Variants in GALP observed in about 807,000 individuals in gnomAD.
GALP encodes galanin like peptide.
Under a neutral mutation model 15.2 loss-of-function variants are expected in GALP, and 12 were observed. The observed-to-expected ratio is 0.79, with a 90% CI of 0.51 to 1.28. The LOEUF (loss-of-function observed/expected upper bound fraction) is 1.28, where lower values mean the gene tolerates loss of function less well. Among genes scored for constraint, GALP ranks in the 50% most tolerant of loss-of-function variants. The probability of loss-of-function intolerance (pLI) is 0.00; values close to 1 mark genes in which losing one functional copy is unlikely to be tolerated. For synonymous variants in GALP, 58 were observed against 55.1 expected (o/e 1.05, Z -0.23); for missense variants, 161 against 145.6 (o/e 1.11, Z -0.55).
chr19:56,178,165 C>CAA (rs71184328), intron 2 of GALP, among the ~76,000 whole-genome samples: 3 of 135,702 alleles, frequency 2.2e-5, no homozygotes, highest in African/African-American at 2.6e-5. Flanking sequence ...TTTTTTCTAA[C>CAA]AAAAAAAAAA....
intron 2 of GALP, among the ~76,000 whole-genome samples, chr19:56,178,539 AAAAG>A (rs1161186198): frequency 4.0e-5 from 6 of 150,608 alleles, no homozygotes; most frequent in Non-Finnish European, 8.9e-5. Context: ...AAAAAAAAAA[AAAAG>A]AGACGCCGGC....
In GALP at chr19:56,177,124, G is replaced by A. The variant is rs368200734; in HGVS notation, c.16G>A (p.Val6Ile). The A allele has an allele frequency of 2.5e-5, 40 of 1,613,016 alleles. No homozygotes were observed. The highest frequency in any genetic ancestry group is 3.3e-5 in the Admixed American group (2 of 59,888). ...CCTGCCTTCGATGGCTCCTCCCTCC[G>A]TCCCCCTGGTCCTCCTCCTCGTCCT... MAPPS[V>I]PLVLLLVLLL... The change falls in exon 2 of 6, where the codon GTC (valine) becomes ATC (isoleucine). Residue 6 changes from valine (V) to isoleucine (I), a missense_variant. Val to Ile is a conservative substitution (Grantham distance 29). Coordinates refer to ENST00000357330, the MANE Select transcript of GALP (RefSeq NM_033106.4).
At chr19:56,177,241 C>T (rs763910662) in intron 2 of GALP, 46 bp downstream of exon 2, 1 of 1,489,570 alleles carries the variant, frequency 6.7e-7, no homozygotes, top group South Asian at 1.1e-5. Flanking sequence ...TCCCCAAATC[C>T]CTGCCCTCTG....
chr19:56,176,540 G>A (rs1377949041), intron 1 of GALP, among the ~76,000 whole-genome samples: 2 of 126,396 alleles, frequency 1.6e-5, no homozygotes, highest in Non-Finnish European at 3.3e-5. Context: ...GAGGGCAGAG[G>A]GGCGGATGCC....
chr19:56,180,911 CTTTCTTTTTTTTTTTT>C (rs1217529981), intron 3 of GALP, among the ~76,000 whole-genome samples: 1 of 90,668 alleles, frequency 1.1e-5, no homozygotes, highest in Non-Finnish European at 2.0e-5. Flanking sequence ...TTCTTTCTTT[CTTTCTTTTTTTTTTTT>C]TTTTTTTTTT....
At chr19:56,176,982 A>G (rs1568575972) in intron 1 of GALP, 88 bp from the exon 2 acceptor site, 1 of 650,506 alleles carries the variant, frequency 1.5e-6, no homozygotes, top group East Asian at 2.9e-5. Flanking sequence ...TGATGCCTCC[A>G]TAAAGCTAAA....
chr19:56,180,903 CTTTCTTTCTTTCTTTTT>C (rs2032553864), intron 3 of GALP, among the ~76,000 whole-genome samples: 1 of 83,176 alleles, frequency 1.2e-5, no homozygotes, highest in African/African-American at 5.3e-5. Context: ...TTCTTTCTTT[CTTTCTTTCTTTCTTTTT>C]TTTTTTTTTT....
Position 56,183,063 on chromosome 19 carries a change from T to C in GALP, c.218-72T>C, listed in dbSNP as rs987143190. ...TGTCTCTTGCTCCCGTCTTTGTGTC[T>C]GTGTGTTCTCATCGTTTAGCTCCCA... On this transcript the variant is annotated intron_variant, in intron 4 of 5. Coordinates refer to ENST00000357330, the MANE Select transcript of GALP (RefSeq NM_033106.4). 1.4e-5 allele frequency: 15 copies of C among 1,061,958 alleles called. No individual in the cohort carries two copies. The Admixed American group carries it at 1.7e-4, about 12-fold the overall frequency. The allele number at this position is 1,061,958 out of a possible 1,614,324, so 65.8% of individuals were successfully genotyped here.
intron 2 of GALP, among the ~76,000 whole-genome samples, chr19:56,179,618 G>A (rs1364685177): frequency 6.6e-6 from 1 of 150,872 alleles, no homozygotes; most frequent in African/African-American, 2.4e-5. Flanking sequence ...TACCTACTAG[G>A]GTTGTTGGAG....
intron 2 of GALP, among the ~76,000 whole-genome samples, chr19:56,177,503 T>G (rs1407166352): frequency 8.8e-6 from 1 of 113,620 alleles, no homozygotes; most frequent in Non-Finnish European, 1.7e-5. Context: ...AGAGCGAGAC[T>G]CCATCTCAAA....
In GALP at chr19:56,182,227, G is replaced by T. The variant is rs1417488944; in HGVS notation, c.192G>T (p.Glu64Asp). Residue 64 changes from glutamate to aspartate, a missense_variant, in exon 4 of 6, where the codon GAG (glutamate) becomes GAT (aspartate). Coordinates refer to ENST00000357330, the MANE Select transcript of GALP (RefSeq NM_033106.4). ...ACGGAAAGAGGGAGACAGCCCTTGA[G>T]ATCCTAGACCTGTGGAAGGCCATCG... ...DQDGKRETALEILDLWKAIDG... is the reference protein window; with the variant it reads ...DQDGKRETALDILDLWKAIDG... 6.2e-7 allele frequency: 1 copy of T among 1,614,000 alleles called. No individual in the cohort carries two copies. Among genetic ancestry groups the T allele is most frequent in the African/African-American group, 1.3e-5 (1 of 75,062 alleles).
intron 5 of GALP, among the ~76,000 whole-genome samples, chr19:56,183,475 C>A (rs1599931246): frequency 1.3e-5 from 2 of 152,166 alleles, no homozygotes; most frequent in African/African-American, 4.8e-5. Context: ...CTGAATCTAG[C>A]ACTTTTGCAA....
intron 1 of GALP, 36 bp from the exon 2 acceptor site, chr19:56,177,034 C>T (rs1218050158): frequency 5.4e-6 from 6 of 1,116,684 alleles, no homozygotes; most frequent in South Asian, 2.6e-5. Context: ...ACCTGGCCCC[C>T]GCTTCGGAAA....
intron 2 of GALP, among the ~76,000 whole-genome samples, chr19:56,179,828 G>T (rs2032532532): frequency 6.6e-6 from 1 of 151,718 alleles, no homozygotes; most frequent in Non-Finnish European, 1.5e-5. Context: ...TTGAGACGGA[G>T]TCTCACTCTG....
rs1416033779 is a variant in GALP, at chr19:56,182,113, G to A, written c.137-59G>A. ...CCATGCTGTTGAATTGATGGACGAT[G>A]TGTTTCTTCAGTTCTACTTAACCGA... On this transcript the variant is annotated intron_variant, in intron 3 of 5. Transcript: ENST00000357330. The A allele has an allele frequency of 2.5e-6, 3 of 1,186,514 alleles. No homozygotes were observed. The Admixed American group carries it at 5.1e-5, about 20-fold the overall frequency. The allele number at this position is 1,186,514 out of a possible 1,614,324, so 73.5% of individuals were successfully genotyped here. A position where few individuals can be genotyped will look rare whatever the true frequency, so the allele number is the denominator to read the frequency against.
rs745865719 is a variant in GALP, at chr19:56,177,181, G to A, written c.73G>A (p.Ala25Thr). The A allele has an allele frequency of 6.8e-6, 11 of 1,613,012 alleles. No individual in the cohort carries two copies. The highest frequency in any genetic ancestry group is 8.5e-6 in the Non-Finnish European group (10 of 1,179,644). Residue 25 changes from alanine (A) to threonine (T), a missense_variant, in exon 2 of 6, where the codon GCA (alanine) becomes ACA (threonine). Transcript: ENST00000357330. ...GAGCCTGGCAGAGACTCCAGCATCC[G>A]CACCTGCCCACCGGGTAACGCCTCC... ...LLSLAETPASAPAHRGRGGWT... is the reference protein window; with the variant it reads ...LLSLAETPASTPAHRGRGGWT...
intron 1 of GALP, 136 bp downstream of exon 1, chr19:56,176,198 G>C (rs1418392534): frequency 6.8e-4 from 110 of 161,346 alleles, no homozygotes; most frequent in Middle Eastern, 5.5e-3. Context: ...AGGGGCGGAT[G>C]CCAGCTGCAG....
At chr19:56,178,600 T>G (rs8108282) in intron 2 of GALP, among the ~76,000 whole-genome samples, 69,600 of 150,314 alleles carry the variant, frequency 0.46, 17,246 homozygotes, top group African/African-American at 0.64. Flanking sequence ...TCCTCCAGGT[T>G]CTGGCTTGGT....
At chr19:56,179,179 A>G (rs2032518146) in intron 2 of GALP, among the ~76,000 whole-genome samples, 2 of 150,112 alleles carry the variant, frequency 1.3e-5, no homozygotes, top group African/African-American at 2.5e-5. Flanking sequence ...GCGAGACTCC[A>G]TCTCAAAATA....
Sources: allele counts gnomAD v4.1 joint callset (sites outside exome capture counted in the v4.1 genomes callset), GRCh38; gene constraint gnomAD v4.1.1; transcripts MANE v1.5; gene names NCBI Gene and HGNC (gene_info 2026-07-23, HGNC 2026-07-21).